Variants in DLGAP1 observed in about 807,000 individuals in gnomAD.
DLGAP1 encodes disks large-associated protein 1.
DLGAP1 carries 11 observed loss-of-function variants against 90.8 expected under a neutral mutation model. The ratio of observed to expected loss-of-function variants is 0.12; its 90% CI spans 0.08 to 0.20. The LOEUF (loss-of-function observed/expected upper bound fraction) is 0.20, where lower values mean the gene tolerates loss of function less well. DLGAP1 is among the 10% of genes least tolerant of loss of function. The pLI is 1.00. For synonymous variants in DLGAP1, 558 were observed against 540.7 expected, an observed-to-expected ratio of 1.03 and a Z score of -0.44; for missense variants, 1,050 against 1,333.8, an observed-to-expected ratio of 0.79 and a Z score of 3.31.
At chr18:3,706,170 G>A (rs1211422398) in intron 7 of DLGAP1, among the ~76,000 whole-genome samples, 1 of 151,328 alleles carries the variant, frequency 6.6e-6, no homozygotes, top group African/African-American at 2.4e-5. Context: ...TTAACTTTTT[G>A]TATTTTTAGT....
intron 1 of DLGAP1, among the ~76,000 whole-genome samples, chr18:4,359,875 G>T: frequency 6.6e-6 from 1 of 152,198 alleles, no homozygotes; most frequent in Non-Finnish European, 1.5e-5. Flanking sequence ...GTATTTGAAA[G>T]TTGGAGGGAA....
At position 3,581,968 on chromosome 18, in the gene DLGAP1, GGTGGCA is replaced by G. The variant is rs781464700; in HGVS notation, c.1866_1871del (p.Ala623_Thr624del). On this transcript the variant is annotated inframe_deletion, in exon 8 of 13. Coordinates refer to ENST00000315677, the MANE Select transcript of DLGAP1 (RefSeq NM_004746.4). ...TGGCTATGGTAGTCGTGGTGGTGAC[GGTGGCA>G]GTGTTATTGCCCATGTGTTGACTGG... The G allele has an allele frequency of 6.2e-7, 1 of 1,613,978 alleles. No homozygotes were observed. Among genetic ancestry groups the G allele is most frequent in the South Asian group, 1.1e-5 (1 of 91,078 alleles).
chr18:3,496,509 G>GA lies in DLGAP1; in HGVS notation c.*2675_*2676insT, dbSNP rs2049700530. The GA allele has an allele frequency of 6.6e-6, 1 of 152,034 alleles. No homozygotes were observed. The highest frequency in any genetic ancestry group is 1.5e-5 in the Non-Finnish European group (1 of 68,008). 9.4% of individuals were successfully genotyped at this position (152,034 alleles called of 1,614,324 possible). A position where few individuals can be genotyped will look rare whatever the true frequency, so the allele number is the denominator to read the frequency against. Reference sequence around the variant, plus strand: ...TTATGTGAATTGTATGGAAACATCTGCAAAAAATATAATAAATACTTAATT... The same window carrying GA: ...TTATGTGAATTGTATGGAAACATCTGACAAAAAATATAATAAATACTTAATT... On this transcript the variant is annotated 3_prime_UTR_variant, in exon 13 of 13. Coordinates refer to ENST00000315677, the MANE Select transcript of DLGAP1 (RefSeq NM_004746.4).
At chr18:4,379,954 A>C (rs963147535) in intron 1 of DLGAP1, among the ~76,000 whole-genome samples, 5 of 152,234 alleles carry the variant, frequency 3.3e-5, no homozygotes, top group Non-Finnish European at 7.3e-5. Context: ...TTACTTAGAT[A>C]TTTAAAGCAC....
intron 3 of DLGAP1, among the ~76,000 whole-genome samples, chr18:3,921,481 T>C (rs2072268251): frequency 6.6e-6 from 1 of 152,152 alleles, no homozygotes; most frequent in African/African-American, 2.4e-5. Context: ...TCTGGCTCTA[T>C]CCAATTCTAT....
At chr18:3,976,556 G>A (rs11663504) in intron 3 of DLGAP1, among the ~76,000 whole-genome samples, 9,984 of 152,090 alleles carry the variant, frequency 0.066, 607 homozygotes, top group African/African-American at 0.16. Flanking sequence ...TTTTCTTCAT[G>A]TTACTGGGCA....
Position 3,641,584 on chromosome 18 carries a change from T to TACAC in DLGAP1, c.1592-59337_1592-59336insGTGT, listed in dbSNP as rs1381099647. The stretch of plus-strand genomic sequence containing the variant: ...ACATAAGACAATGTACACATATATA[T>TACAC]ATACACACACACACACACACACACA... On this transcript the variant is annotated intron_variant, in intron 7 of 12. Transcript: ENST00000315677. 3.1e-3 allele frequency among the ~76,000 whole-genome samples: 383 copies of TACAC among 125,154 alleles called. 2 individuals are homozygous for TACAC. Among genetic ancestry groups the TACAC allele is most frequent in the African/African-American group, 3.9e-3 (122 of 31,018 alleles). The allele number at this position is 125,154 out of a possible 152,430, so 82.1% of individuals were successfully genotyped here. A position where few individuals can be genotyped will look rare whatever the true frequency, so the allele number is the denominator to read the frequency against.
At chr18:3,554,116 G>T (rs2053622920) in intron 9 of DLGAP1, among the ~76,000 whole-genome samples, 1 of 152,028 alleles carries the variant, frequency 6.6e-6, no homozygotes, top group Non-Finnish European at 1.5e-5. Flanking sequence ...GAAAGGATTG[G>T]CTTACTAGAT....
chr18:4,111,568 G>T (rs1212253344), intron 2 of DLGAP1, among the ~76,000 whole-genome samples: 9 of 152,006 alleles, frequency 5.9e-5, no homozygotes, highest in African/African-American at 2.2e-4. Context: ...TTTTCTTTAT[G>T]GAAAATGTAA....
At chr18:4,287,701 G>C (rs2079734718) in intron 1 of DLGAP1, among the ~76,000 whole-genome samples, 1 of 152,000 alleles carries the variant, frequency 6.6e-6, no homozygotes, top group Non-Finnish European at 1.5e-5. Context: ...AGGGCAAGGG[G>C]AGGGATAGCA....
At chr18:4,157,617 C>T (rs1268607452) in intron 1 of DLGAP1, among the ~76,000 whole-genome samples, 1 of 152,128 alleles carries the variant, frequency 6.6e-6, no homozygotes, top group Non-Finnish European at 1.5e-5. Context: ...GTAGTTGAAC[C>T]AGTGTTTTGT....
chr18:3,528,984 C>A (rs2051820006), intron 10 of DLGAP1, among the ~76,000 whole-genome samples: 2 of 152,220 alleles, frequency 1.3e-5, no homozygotes, highest in South Asian at 4.1e-4. Flanking sequence ...TCCATCACTT[C>A]TGTGGCAGGT....
chr18:4,192,775 G>A (rs191055158), intron 1 of DLGAP1, among the ~76,000 whole-genome samples: 2 of 152,302 alleles, frequency 1.3e-5, no homozygotes, highest in South Asian at 2.1e-4. Context: ...GCAGACTAGA[G>A]GTGAGGTTAG....
chr18:4,048,152 T>A (rs1270031389), intron 2 of DLGAP1, among the ~76,000 whole-genome samples: 1 of 152,216 alleles, frequency 6.6e-6, no homozygotes, highest in Admixed American at 6.5e-5. Flanking sequence ...GACTATCCCA[T>A]GTTCATTTGA....
At chr18:3,864,761 C>T (rs1259261018) in intron 4 of DLGAP1, among the ~76,000 whole-genome samples, 3 of 152,080 alleles carry the variant, frequency 2.0e-5, no homozygotes, top group African/African-American at 7.2e-5. Flanking sequence ...TCTAACAGCA[C>T]CGTTTATGCA....
chr18:4,355,678 A>T (rs1431769420), intron 1 of DLGAP1, among the ~76,000 whole-genome samples: 1 of 150,446 alleles, frequency 6.6e-6, no homozygotes, highest in African/African-American at 2.4e-5. Context: ...GTGATATTGT[A>T]CTATAGTTAC....
At chr18:4,090,448 C>T (rs552185405) in intron 2 of DLGAP1, among the ~76,000 whole-genome samples, 7 of 152,190 alleles carry the variant, frequency 4.6e-5, no homozygotes, top group Non-Finnish European at 1.0e-4. Flanking sequence ...TGTACAGACA[C>T]TTCTTCAAAG....
chr18:3,707,677 C>CA (rs1230050950), intron 7 of DLGAP1, among the ~76,000 whole-genome samples: 1 of 151,762 alleles, frequency 6.6e-6, no homozygotes, highest in Non-Finnish European at 1.5e-5. Context: ...TAGAATACTA[C>CA]ACTGTAATCG....
intron 1 of DLGAP1, among the ~76,000 whole-genome samples, chr18:4,450,289 G>A (rs182464759): frequency 6.6e-6 from 1 of 152,292 alleles, no homozygotes; most frequent in Admixed American, 6.5e-5. Flanking sequence ...CAAGAAAGAA[G>A]GGGTATCCAG....
Sources: gnomAD v4.1 joint callset for allele counts (sites outside exome capture counted in the v4.1 genomes callset) on GRCh38, gnomAD v4.1.1 for gene constraint, MANE v1.5 for transcripts, NCBI Gene and HGNC (gene_info 2026-07-23, HGNC 2026-07-21) for gene names.